The following ZPLD1 variants were observed in gnomAD, a reference collection of about 807,000 sequenced individuals.
The protein encoded by ZPLD1 is zona pellucida like domain containing 1, also known as zona pellucida-like domain-containing protein 1.
ZPLD1 carries 34 observed loss-of-function variants against 47.2 expected under a neutral mutation model. The ratio of observed to expected loss-of-function variants is 0.72; its 90% CI spans 0.55 to 0.96. The LOEUF is 0.96. Among genes scored for constraint, ZPLD1 ranks in the 40% least tolerant of loss-of-function variants. ZPLD1 has a pLI of 0.00. For synonymous variants in ZPLD1, 176 were observed against 186.2 expected, an observed-to-expected ratio of 0.95 and a Z score of 0.45; for missense variants, 512 against 505.8, an observed-to-expected ratio of 1.01 and a Z score of -0.12.
intron 10 of ZPLD1, among the ~76,000 whole-genome samples, chr3:102,472,069 T>G (rs547858173): frequency 7.9e-4 from 120 of 152,326 alleles, no homozygotes; most frequent in South Asian, 1.0e-3. Context: ...GCCCAAAAAA[T>G]TCAGACAATT....
chr3:102,426,720 T>C (rs1706952701), intron 8 of ZPLD1, among the ~76,000 whole-genome samples: 2 of 152,176 alleles, frequency 1.3e-5, no homozygotes, highest in Admixed American at 6.5e-5. Context: ...TAGATTTCAA[T>C]ATTGATTGTT....
chr3:102,477,485 G>C lies in ZPLD1; in HGVS notation c.1115G>C (p.Ser372Thr). The C allele has an allele frequency of 6.2e-7, 1 of 1,613,730 alleles. No homozygotes were observed. Among genetic ancestry groups the C allele is most frequent in the Non-Finnish European group, 8.5e-7 (1 of 1,179,738 alleles). ...CCCTTCCAGCTGAACGCCATCACCA[G>C]CGCACTGATATCAGGAATGGTCATT... ...MPPFQLNAIT[S>T]ALISGMVILG... Residue 372 changes from serine (S) to threonine (T), a missense_variant, in exon 12 of 12, where the codon AGC (serine) becomes ACC (threonine). Ser to Thr is a moderately conservative substitution (Grantham distance 58, BLOSUM62 1). Transcript: ENST00000466937.
intron 6 of ZPLD1, among the ~76,000 whole-genome samples, chr3:102,459,169 G>T (rs992610382): frequency 6.7e-6 from 1 of 149,028 alleles, no homozygotes; most frequent in Non-Finnish European, 1.5e-5. Flanking sequence ...GCGTGTGCCA[G>T]TATTCACTTT....
intron 7 of ZPLD1, among the ~76,000 whole-genome samples, chr3:102,411,668 G>A (rs1028501090): frequency 2.0e-5 from 3 of 151,738 alleles, no homozygotes; most frequent in Non-Finnish European, 4.4e-5. Context: ...CAAGAATAAT[G>A]AGTCAACTCA....
intron 1 of ZPLD1, among the ~76,000 whole-genome samples, chr3:102,435,893 C>A (rs12330403): frequency 6.6e-6 from 1 of 152,148 alleles, no homozygotes; most frequent in Non-Finnish European, 1.5e-5. Flanking sequence ...CCACCCGCCT[C>A]GGCCTCCCAG....
intron 10 of ZPLD1, among the ~76,000 whole-genome samples, chr3:102,473,832 A>G (rs141805173): frequency 2.0e-5 from 3 of 152,170 alleles, no homozygotes; most frequent in Non-Finnish European, 4.4e-5. Flanking sequence ...TTTTTTCCTT[A>G]GTTTCACTTT....
intron 7 of ZPLD1, among the ~76,000 whole-genome samples, chr3:102,416,823 C>T (rs575456203): frequency 2.6e-5 from 4 of 151,934 alleles, no homozygotes; most frequent in African/African-American, 9.6e-5. Context: ...TATGCTTTTT[C>T]GTGAAGCTGA....
chr3:102,446,797 T>C (rs980672792), intron 3 of ZPLD1, among the ~76,000 whole-genome samples: 1 of 152,208 alleles, frequency 6.6e-6, no homozygotes, highest in African/African-American at 2.4e-5. Context: ...TAGTATATCA[T>C]TATCAGGCTG....
chr3:102,438,661 T>C (rs1188214093), intron 3 of ZPLD1, 68 bp downstream of exon 3: 5 of 1,208,242 alleles, frequency 4.1e-6, no homozygotes, highest in Non-Finnish European at 4.8e-6. Context: ...GAGCAAGTCA[T>C]TTAAATATAT....
upstream of ZPLD1, among the ~76,000 whole-genome samples, chr3:102,431,313 C>T (rs1707013229): frequency 6.6e-6 from 1 of 152,150 alleles, no homozygotes; most frequent in South Asian, 2.1e-4. Flanking sequence ...CATAAAATTT[C>T]TGAATGTCTT....
intron 7 of ZPLD1, among the ~76,000 whole-genome samples, chr3:102,405,442 A>T (rs1186930113): frequency 1.3e-5 from 2 of 152,116 alleles, no homozygotes; most frequent in East Asian, 1.9e-4. Context: ...TCAGATAGAC[A>T]TGTTGACTAT....
intron 7 of ZPLD1, among the ~76,000 whole-genome samples, chr3:102,399,268 T>C (rs1042197112): frequency 6.6e-5 from 10 of 152,140 alleles, no homozygotes; most frequent in African/African-American, 2.4e-4. Flanking sequence ...GCTGGCTCCA[T>C]TATTTTTAGG....
At chr3:102,446,204 G>A (rs1707253195) in intron 3 of ZPLD1, among the ~76,000 whole-genome samples, 1 of 152,160 alleles carries the variant, frequency 6.6e-6, no homozygotes, top group Non-Finnish European at 1.5e-5. Context: ...TAATTTAACA[G>A]GAAAGTAAAT....
chr3:102,433,080 TA>T (rs999502953), upstream of ZPLD1, among the ~76,000 whole-genome samples: 1 of 152,196 alleles, frequency 6.6e-6, no homozygotes, highest in African/African-American at 2.4e-5. Flanking sequence ...AGATATGCAA[TA>T]AAAATTTTTC....
At chr3:102,450,973 A>G (rs1472161091) in intron 3 of ZPLD1, among the ~76,000 whole-genome samples, 1 of 152,222 alleles carries the variant, frequency 6.6e-6, no homozygotes, top group Non-Finnish European at 1.5e-5. Context: ...GGCAAAGTAT[A>G]CTTCATAATT....
intron 2 of ZPLD1, among the ~76,000 whole-genome samples, 176 bp from the exon 3 acceptor site, chr3:102,438,301 ATGT>A (rs1213218399): frequency 1.3e-5 from 2 of 152,218 alleles, no homozygotes; most frequent in Non-Finnish European, 2.9e-5. Flanking sequence ...CAATATTGAA[ATGT>A]TGTAACCCAA....
intron 2 of ZPLD1, among the ~76,000 whole-genome samples, chr3:102,438,060 C>A (rs576905508): frequency 2.0e-5 from 3 of 152,258 alleles, no homozygotes; most frequent in Admixed American, 2.0e-4. Flanking sequence ...AATCAAGTAT[C>A]CAACATTTAA....
At chr3:102,439,698 T>C (rs1344308759) in intron 3 of ZPLD1, among the ~76,000 whole-genome samples, 1 of 152,202 alleles carries the variant, frequency 6.6e-6, no homozygotes, top group East Asian at 1.9e-4. Flanking sequence ...TCTTTGTCCT[T>C]ACCACTCCCA....
chr3:102,427,942 G>GT (rs1339916744), intron 8 of ZPLD1, among the ~76,000 whole-genome samples: 4 of 152,038 alleles, frequency 2.6e-5, no homozygotes. Flanking sequence ...ATTAACTTCT[G>GT]TAAGTTTTAC....
Sources: allele counts gnomAD v4.1 joint callset (sites outside exome capture counted in the v4.1 genomes callset), GRCh38; gene constraint gnomAD v4.1.1; transcripts MANE v1.5; gene names NCBI Gene and HGNC (gene_info 2026-07-23, HGNC 2026-07-21).